Variants in MARCHF1 observed in about 807,000 individuals in gnomAD.
MARCHF1 encodes the protein membrane associated ring-CH-type finger 1.
In MARCHF1, 40 loss-of-function variants were observed where a neutral mutation model predicts 54.2. That is an observed-to-expected ratio of 0.74 (90% CI 0.57 to 0.96). MARCHF1 has a LOEUF of 0.96. MARCHF1 is among the 40% of genes least tolerant of loss of function. The pLI, the probability that MARCHF1 is intolerant of heterozygous loss-of-function variation, is 0.00. For missense variants in MARCHF1, 586 were observed against 656.5 expected, an observed-to-expected ratio of 0.89 and a Z score of 1.17; for synonymous variants, 236 against 236.3, an observed-to-expected ratio of 1.00 and a Z score of 0.01.
chr4:164,318,646 T>C lies in MARCHF1; in HGVS notation c.-323+65224A>G, dbSNP rs1287751511. Among the ~76,000 whole-genome samples, 6 of 152,336 alleles carry C rather than the reference T, an allele frequency of 3.9e-5. No homozygotes were observed. In the East Asian group the frequency reaches 1.2e-3, roughly 29 times the overall value. On this transcript the variant is annotated intron_variant, in intron 1 of 9. Coordinates refer to ENST00000514618, the MANE Select transcript of MARCHF1 (RefSeq NM_001394959.1). Reference sequence around the variant, plus strand: ...GGCCTATAGAAATGAATGTGAATGATGACTGTCTAAAGTGTAACTCTTGAG... The same window carrying C: ...GGCCTATAGAAATGAATGTGAATGACGACTGTCTAAAGTGTAACTCTTGAG...
At chr4:164,311,345 T>C (rs1028925192) in intron 1 of MARCHF1, among the ~76,000 whole-genome samples, 2 of 152,110 alleles carry the variant, frequency 1.3e-5, no homozygotes, top group Admixed American at 1.3e-4. Context: ...GTTTTATGAG[T>C]TACCATGAAA....
At chr4:163,724,950 AC>A (rs1478073473) in intron 4 of MARCHF1, among the ~76,000 whole-genome samples, 2 of 152,070 alleles carry the variant, frequency 1.3e-5, no homozygotes, top group Non-Finnish European at 2.9e-5. Flanking sequence ...GACCCCTTGC[AC>A]TTCCCGGGTG....
At chr4:163,715,179 T>C (rs572701021) in intron 4 of MARCHF1, among the ~76,000 whole-genome samples, 1 of 152,248 alleles carries the variant, frequency 6.6e-6, no homozygotes, top group East Asian at 1.9e-4. Context: ...TATGAATGTT[T>C]GGCAGCAGTA....
chr4:164,314,918 T>C (rs1734957040), intron 1 of MARCHF1, among the ~76,000 whole-genome samples: 1 of 152,132 alleles, frequency 6.6e-6, no homozygotes, highest in Non-Finnish European at 1.5e-5. Context: ...AAAATGTATA[T>C]CATTTGATTA....
chr4:164,322,690 T>C (rs1050250716), intron 1 of MARCHF1, among the ~76,000 whole-genome samples: 2 of 151,974 alleles, frequency 1.3e-5, no homozygotes, highest in African/African-American at 4.8e-5. Context: ...CCCATAAGTA[T>C]ATACACCTAC....
At chr4:164,139,795 G>A (rs1040177320) in intron 1 of MARCHF1, among the ~76,000 whole-genome samples, 26 of 152,072 alleles carry the variant, frequency 1.7e-4, no homozygotes, top group African/African-American at 5.8e-4. Context: ...TATATTTAAT[G>A]GCTATTATAA....
intron 2 of MARCHF1, among the ~76,000 whole-genome samples, chr4:164,019,657 G>A (rs1445194928): frequency 6.6e-6 from 1 of 152,178 alleles, no homozygotes; most frequent in African/African-American, 2.4e-5. Flanking sequence ...TGATTGCAAA[G>A]GTTACAGAAT....
intron 3 of MARCHF1, among the ~76,000 whole-genome samples, chr4:163,908,781 G>C (rs776351286): frequency 6.6e-6 from 1 of 152,072 alleles, no homozygotes; most frequent in African/African-American, 2.4e-5. Flanking sequence ...TCCCCACCAC[G>C]ACACAAAATA....
intron 1 of MARCHF1, among the ~76,000 whole-genome samples, chr4:164,116,007 A>G (rs1418979708): frequency 6.6e-6 from 1 of 152,094 alleles, no homozygotes; most frequent in Non-Finnish European, 1.5e-5. Context: ...TTCTTTGGCT[A>G]TCATTGATCT....
intron 4 of MARCHF1, among the ~76,000 whole-genome samples, chr4:163,705,183 C>G (rs890588292): frequency 6.6e-6 from 1 of 151,618 alleles, no homozygotes; most frequent in African/African-American, 2.4e-5. Flanking sequence ...GATTTTACAA[C>G]CGAGCTGTAT....
chr4:164,004,259 A>ATC (rs2110924500), intron 2 of MARCHF1, among the ~76,000 whole-genome samples: 1 of 151,912 alleles, frequency 6.6e-6, no homozygotes, highest in Admixed American at 6.6e-5. Flanking sequence ...ATATATATAT[A>ATC]TGCATGTTCT....
intron 1 of MARCHF1, among the ~76,000 whole-genome samples, chr4:164,159,827 C>T (rs1428449613): frequency 2.0e-5 from 3 of 152,138 alleles, no homozygotes; most frequent in Non-Finnish European, 4.4e-5. Context: ...AGCTAAACCG[C>T]CACTTAAAAG....
At chr4:164,099,967 GAATA>G (rs1336988245) in intron 2 of MARCHF1, among the ~76,000 whole-genome samples, 4 of 152,100 alleles carry the variant, frequency 2.6e-5, no homozygotes, top group African/African-American at 9.7e-5. Context: ...TCATGAGAAG[GAATA>G]AATAAATAAA....
At chr4:164,059,679 A>G (rs1454604843) in intron 2 of MARCHF1, among the ~76,000 whole-genome samples, 2 of 152,212 alleles carry the variant, frequency 1.3e-5, no homozygotes, top group African/African-American at 4.8e-5. Context: ...ATGCAAATAA[A>G]TACAGATTTC....
At chr4:164,106,629 G>C (rs111293163) in intron 2 of MARCHF1, among the ~76,000 whole-genome samples, 1 of 144,878 alleles carries the variant, frequency 6.9e-6, no homozygotes, top group Admixed American at 6.9e-5. Flanking sequence ...GGTAGGGGGA[G>C]GGGGGAGGGA....
At chr4:164,076,508 C>T (rs1359754198) in intron 2 of MARCHF1, among the ~76,000 whole-genome samples, 1 of 152,180 alleles carries the variant, frequency 6.6e-6, no homozygotes, top group African/African-American at 2.4e-5. Context: ...CTCACCACTC[C>T]TATTCAACAT....
intron 1 of MARCHF1, among the ~76,000 whole-genome samples, chr4:164,237,402 C>T (rs1197329710): frequency 6.6e-6 from 1 of 152,020 alleles, no homozygotes; most frequent in Non-Finnish European, 1.5e-5. Flanking sequence ...TTGCTCTATG[C>T]TGCTGCTTCT....
chr4:164,346,711 A>G (rs1430263917), intron 1 of MARCHF1, among the ~76,000 whole-genome samples: 1 of 138,670 alleles, frequency 7.2e-6, no homozygotes, highest in Non-Finnish European at 1.6e-5. Context: ...AAAAATGCTT[A>G]TTCTTTTCAT....
chr4:164,146,869 C>T (rs1385677481), intron 1 of MARCHF1, among the ~76,000 whole-genome samples: 1 of 150,688 alleles, frequency 6.6e-6, no homozygotes, highest in Non-Finnish European at 1.5e-5. Flanking sequence ...AAGAAACTAC[C>T]ATCAGAGTGA....
Sources: allele counts gnomAD v4.1 joint callset (sites outside exome capture counted in the v4.1 genomes callset), GRCh38; gene constraint gnomAD v4.1.1; transcripts MANE v1.5; gene names NCBI Gene and HGNC (gene_info 2026-07-23, HGNC 2026-07-21).